The following CFAP70 variants were observed in gnomAD, a reference collection of about 807,000 sequenced individuals.
CFAP70 encodes cilia and flagella associated protein 70.
A neutral mutation model predicts 137.6 loss-of-function variants in CFAP70; 81 were observed. The ratio of observed to expected loss-of-function variants is 0.59; its 90% CI spans 0.49 to 0.71. The LOEUF is 0.71. Ranked by LOEUF, CFAP70 falls within the 30% of genes least tolerant of loss-of-function variation. The probability of loss-of-function intolerance (pLI) is 0.00; values close to 1 mark genes in which losing one functional copy is unlikely to be tolerated. For synonymous variants in CFAP70, 382 were observed against 423.6 expected (o/e 0.90, Z 1.20); for missense variants, 976 against 1,226.7 (o/e 0.80, Z 3.05).
At chr10:73,288,707 C>T (rs1044136286) in intron 19 of CFAP70, among the ~76,000 whole-genome samples, 4 of 152,192 alleles carry the variant, frequency 2.6e-5, no homozygotes, top group African/African-American at 4.8e-5. Context: ...CAGAATTCTA[C>T]ACTTTAGGGT....
intron 9 of CFAP70, among the ~76,000 whole-genome samples, chr10:73,321,284 A>G (rs1317146983): frequency 6.6e-6 from 1 of 152,016 alleles, no homozygotes; most frequent in East Asian, 1.9e-4. Flanking sequence ...CGGGCGTGGT[A>G]GCATGCACCT....
intron 24 of CFAP70, among the ~76,000 whole-genome samples, chr10:73,272,198 G>C (rs1370837121): frequency 6.6e-6 from 1 of 152,040 alleles, no homozygotes; most frequent in Admixed American, 6.5e-5. Flanking sequence ...AGCCTGGCAT[G>C]GTGGTGGGCA....
Position 73,275,732 on chromosome 10 carries a change from G to A in CFAP70, c.2521-134C>T. 1.3e-6 allele frequency: 1 copy of A among 798,252 alleles called. No homozygotes were observed. Among genetic ancestry groups the A allele is most frequent in the East Asian group, 3.1e-5 (1 of 31,932 alleles). 49.4% of individuals were successfully genotyped at this position (798,252 alleles called of 1,614,324 possible). Reference sequence around the variant, plus strand: ...GAAATAATTATCCTCAACTTCAAAAGGTAAAGGGTGAATTACAAACATTCT... The same window carrying A: ...GAAATAATTATCCTCAACTTCAAAAAGTAAAGGGTGAATTACAAACATTCT... On this transcript the variant is annotated intron_variant, in intron 21 of 26. Transcript: ENST00000310715. The surrounding 1 kb of genome is among the most constrained non-coding windows in gnomAD (Gnocchi z 4.0).
At chr10:73,357,926 T>C (rs929794043) in intron 1 of CFAP70, among the ~76,000 whole-genome samples, 10 of 152,250 alleles carry the variant, frequency 6.6e-5, no homozygotes, top group Admixed American at 5.9e-4. Context: ...TTTGTGGCAT[T>C]ACCACAAGCT....
exon 20 of CFAP70, chr10:73,278,324 T>C (rs747261868): frequency 1.2e-6 from 2 of 1,613,690 alleles, no homozygotes; most frequent in East Asian, 2.2e-5. Flanking sequence ...GAATAGATAA[T>C]GCAGCTCCTG....
intron 8 of CFAP70, among the ~76,000 whole-genome samples, chr10:73,330,429 G>A (rs1221620386): frequency 2.2e-5 from 3 of 137,954 alleles, no homozygotes; most frequent in Non-Finnish European, 4.6e-5. Flanking sequence ...CAGCCTAGGC[G>A]ACAGAGTAAG....
In CFAP70 at chr10:73,357,085, G is replaced by A. The variant is rs1392057132; in HGVS notation, c.-40+1629C>T. ...AAGAAGGGAGGAGTGAAACACACAG[G>A]GAGGAAAAGGGGGGTGGAAATTTAT... is the stretch of plus-strand genomic sequence containing the variant. On this transcript the variant is annotated intron_variant, in intron 1 of 26. Transcript: ENST00000310715. 3.9e-5 allele frequency among the ~76,000 whole-genome samples: 6 copies of A among 152,214 alleles called. No individual in the cohort carries two copies. The South Asian group carries it at 8.3e-4, about 21-fold the overall frequency.
intron 23 of CFAP70, among the ~76,000 whole-genome samples, chr10:73,273,639 A>G (rs1367861804): frequency 6.6e-6 from 1 of 152,230 alleles, no homozygotes; most frequent in East Asian, 1.9e-4. Context: ...TTTCAATGAC[A>G]TCAGAAAGAA....
chr10:73,260,539 T>C (rs1029275908), intron 25 of CFAP70, among the ~76,000 whole-genome samples: 1 of 152,144 alleles, frequency 6.6e-6, no homozygotes. Context: ...TACCATAAAA[T>C]TCACTAATTT....
chr10:73,337,450 C>A (rs1049731887), intron 6 of CFAP70, among the ~76,000 whole-genome samples: 6 of 152,170 alleles, frequency 3.9e-5, no homozygotes, highest in Admixed American at 6.5e-5. Context: ...CGCCATTGCA[C>A]TCCAGCCTGG....
chr10:73,304,993 T>G (rs935363237), intron 12 of CFAP70, among the ~76,000 whole-genome samples: 1 of 152,246 alleles, frequency 6.6e-6, no homozygotes, highest in African/African-American at 2.4e-5. Context: ...CTGGCATTTT[T>G]ACTTGCTCTT....
intron 6 of CFAP70, among the ~76,000 whole-genome samples, chr10:73,338,047 G>T (rs768049153): frequency 6.6e-6 from 1 of 152,108 alleles, no homozygotes; most frequent in Admixed American, 6.5e-5. Context: ...AATGTAAATG[G>T]GGTAACGTTG....
intron 7 of CFAP70, among the ~76,000 whole-genome samples, chr10:73,332,557 A>G (rs1162908215): frequency 6.6e-6 from 1 of 152,220 alleles, no homozygotes; most frequent in Admixed American, 6.5e-5. Context: ...AAACCTATTT[A>G]CTGAGACGTA....
At chr10:73,339,071 A>C (rs980287863) in intron 6 of CFAP70, among the ~76,000 whole-genome samples, 3 of 152,126 alleles carry the variant, frequency 2.0e-5, no homozygotes, top group Non-Finnish European at 4.4e-5. Context: ...GGTGTGTGCC[A>C]ACGTGCCCAG....
At chr10:73,289,973 AG>A (rs2048044731) in intron 19 of CFAP70, among the ~76,000 whole-genome samples, 1 of 149,416 alleles carries the variant, frequency 6.7e-6, no homozygotes. Flanking sequence ...TGAACCTGGG[AG>A]GCAGAGGTTG....
At chr10:73,345,905 T>C (rs7917139) in intron 4 of CFAP70, among the ~76,000 whole-genome samples, 1 of 151,778 alleles carries the variant, frequency 6.6e-6, no homozygotes, top group Non-Finnish European at 1.5e-5. Context: ...TTTTTAATTT[T>C]ATTTTTTTTT....
chr10:73,313,606 G>A (rs1216251409), intron 9 of CFAP70, among the ~76,000 whole-genome samples: 1 of 151,418 alleles, frequency 6.6e-6, no homozygotes, highest in East Asian at 1.9e-4. Flanking sequence ...ACTTTAGGGG[G>A]CCGAGGCAGG....
At chr10:73,279,720 G>A (rs945782099) in intron 19 of CFAP70, among the ~76,000 whole-genome samples, 1 of 151,778 alleles carries the variant, frequency 6.6e-6, no homozygotes, top group Non-Finnish European at 1.5e-5. Flanking sequence ...GCCAGGCATG[G>A]TGTTGCACAC....
rs761601727 is a variant in CFAP70 at position 73,348,789 on chromosome 10, G to A, written c.251-268C>T. Reference sequence around the variant, plus strand: ...TGTATAAAAGTAACTGAGGCTGGGCGTGGTGGCTCACACCTGTAATCCCAG... The same window carrying A: ...TGTATAAAAGTAACTGAGGCTGGGCATGGTGGCTCACACCTGTAATCCCAG... On this transcript the variant is annotated intron_variant, in intron 3 of 26. Transcript: ENST00000310715. Among the ~76,000 whole-genome samples the A allele has an allele frequency of 8.5e-5, 13 of 152,138 alleles. 1 individual carries two copies. The highest frequency in any genetic ancestry group is 1.6e-4 in the Non-Finnish European group (11 of 68,016).
Sources: allele counts gnomAD v4.1 joint callset (sites outside exome capture counted in the v4.1 genomes callset), GRCh38; gene constraint gnomAD v4.1.1; non-coding constraint Gnocchi (gnomAD v3.1); transcripts MANE v1.5; gene names NCBI Gene and HGNC (gene_info 2026-07-23, HGNC 2026-07-21).